The following OTUD7A variants were observed in gnomAD, a reference collection of about 807,000 sequenced individuals.
OTUD7A encodes the protein OTU deubiquitinase 7A.
Under a neutral mutation model 65.7 loss-of-function variants are expected in OTUD7A, and 12 were observed. The observed-to-expected ratio is 0.18, with a 90% CI of 0.12 to 0.30. The LOEUF is 0.30. Ranked by LOEUF, OTUD7A falls within the 10% of genes least tolerant of loss-of-function variation. The pLI is 1.00. For missense variants in OTUD7A, 1,148 were observed against 1,304.8 expected (o/e 0.88, Z 1.85); for synonymous variants, 641 against 586.3 (o/e 1.09, Z -1.35).
chr15:31,830,901 TG>T (rs1896914124), intron 1 of OTUD7A, among the ~76,000 whole-genome samples: 1 of 152,180 alleles, frequency 6.6e-6, no homozygotes, highest in South Asian at 2.1e-4. Flanking sequence ...GCTGAGAACA[TG>T]GGATAGAAGT....
chr15:31,647,974 T>C (rs1348900095), intron 3 of OTUD7A, among the ~76,000 whole-genome samples: 4 of 151,498 alleles, frequency 2.6e-5, no homozygotes, highest in Middle Eastern at 3.2e-3. Flanking sequence ...ATGCCTCAGG[T>C]AATGAGGGGA....
rs182052558 is a variant in OTUD7A, at chr15:31,560,543, C to T, written c.332-1356G>A. The stretch of plus-strand genomic sequence containing the variant: ...TAACATTGAACATAAAACAAGAATG[C>T]TTAAATATATGTTAAGAATAGGTTA... On this transcript the variant is annotated intron_variant, in intron 4 of 12. Transcript: ENST00000307050. Among the ~76,000 whole-genome samples the T allele has an allele frequency of 1.7e-3, 252 of 152,306 alleles. 1 individual carries two copies. Among genetic ancestry groups the T allele is most frequent in the African/African-American group, 5.7e-3 (237 of 41,570 alleles).
At chr15:31,654,883 T>G (rs1003640596) in intron 3 of OTUD7A, among the ~76,000 whole-genome samples, 1 of 152,210 alleles carries the variant, frequency 6.6e-6, no homozygotes, top group African/African-American at 2.4e-5. Context: ...CAAAAGTATT[T>G]TCTTGAATGT....
intron 5 of OTUD7A, among the ~76,000 whole-genome samples, chr15:31,553,784 C>A (rs1212782252): frequency 3.3e-5 from 5 of 152,178 alleles, no homozygotes; most frequent in Non-Finnish European, 5.9e-5. Flanking sequence ...CCCCCACGAC[C>A]CTGCCAGCCG....
At chr15:31,811,563 T>A (rs1896417188) in intron 1 of OTUD7A, among the ~76,000 whole-genome samples, 1 of 152,018 alleles carries the variant, frequency 6.6e-6, no homozygotes. Flanking sequence ...GAGTGTGCGT[T>A]TATGGGCATT....
chr15:31,570,704 G>A (rs1328871687), intron 3 of OTUD7A, among the ~76,000 whole-genome samples: 1 of 152,178 alleles, frequency 6.6e-6, no homozygotes, highest in Non-Finnish European at 1.5e-5. Flanking sequence ...AGCTTTGGTG[G>A]GAGATAGGCT....
intron 1 of OTUD7A, among the ~76,000 whole-genome samples, chr15:31,674,621 C>A (rs1325460800): frequency 6.6e-6 from 1 of 152,162 alleles, no homozygotes; most frequent in African/African-American, 2.4e-5. Flanking sequence ...CCGTTATTCC[C>A]TGACTTGTGA....
intron 1 of OTUD7A, among the ~76,000 whole-genome samples, chr15:31,726,146 A>G (rs952415268): frequency 7.3e-5 from 11 of 151,302 alleles, no homozygotes; most frequent in African/African-American, 2.7e-4. Context: ...CTCTGTCTAC[A>G]CTTTCCTCCC....
chr15:31,849,749 C>G (rs1205985389), intron 1 of OTUD7A, among the ~76,000 whole-genome samples: 1 of 152,196 alleles, frequency 6.6e-6, no homozygotes, highest in Non-Finnish European at 1.5e-5. Flanking sequence ...AGGATATGAA[C>G]AGACACTTCT....
chr15:31,536,111 TG>T (rs949666093), intron 5 of OTUD7A, among the ~76,000 whole-genome samples: 1 of 151,854 alleles, frequency 6.6e-6, no homozygotes, highest in African/African-American at 2.4e-5. Flanking sequence ...AGGAGGGAAA[TG>T]GGTGAATAGC....
chr15:31,741,216 A>T (rs1894334027), intron 1 of OTUD7A, among the ~76,000 whole-genome samples: 1 of 152,230 alleles, frequency 6.6e-6, no homozygotes, highest in Admixed American at 6.5e-5. Context: ...TGGTTAGGAG[A>T]TTTAACACAT....
intron 3 of OTUD7A, among the ~76,000 whole-genome samples, chr15:31,579,458 G>A (rs552780823): frequency 1.3e-5 from 2 of 152,122 alleles, no homozygotes; most frequent in South Asian, 2.1e-4. Flanking sequence ...TCTGATAACC[G>A]AGATGGCCAC....
chr15:31,647,808 A>G (rs1053953516), intron 3 of OTUD7A, among the ~76,000 whole-genome samples: 1 of 152,044 alleles, frequency 6.6e-6, no homozygotes, highest in African/African-American at 2.4e-5. Context: ...AAAACCTTGT[A>G]TGGTCCTTGC....
At chr15:31,510,360 T>C (rs1311039287) in intron 8 of OTUD7A, among the ~76,000 whole-genome samples, 1 of 151,370 alleles carries the variant, frequency 6.6e-6, no homozygotes, top group Admixed American at 6.6e-5. Flanking sequence ...CTGTCTGGCG[T>C]CATGCTTGGT....
At chr15:31,516,927 A>T (rs2041867225) in intron 8 of OTUD7A, among the ~76,000 whole-genome samples, 1 of 152,178 alleles carries the variant, frequency 6.6e-6, no homozygotes, top group South Asian at 2.1e-4. Flanking sequence ...CGGTGGATTG[A>T]ATTTGCACCT....
intron 3 of OTUD7A, among the ~76,000 whole-genome samples, chr15:31,592,006 A>G (rs1889739906): frequency 6.6e-6 from 1 of 152,224 alleles, no homozygotes; most frequent in Admixed American, 6.5e-5. Flanking sequence ...TCTAAAAATA[A>G]AAAAGTACAG....
chr15:31,857,422 C>A (rs1204548042), intron 1 of OTUD7A, among the ~76,000 whole-genome samples: 10 of 152,094 alleles, frequency 6.6e-5, no homozygotes, highest in Non-Finnish European at 4.4e-5. Flanking sequence ...TCACTCTCAC[C>A]CAGGCCTGGC....
Position 31,487,069 on chromosome 15 carries a change from G to T in OTUD7A, c.1371+125C>A. On this transcript the variant is annotated intron_variant, in intron 12 of 12. Coordinates refer to ENST00000307050, the MANE Select transcript of OTUD7A (RefSeq NM_001382637.1). This position sits in a 1 kb window ranked among gnomAD's most constrained non-coding sequence, Gnocchi z 6.0. ...AGCTACTGGGCTGTGGGTATGGCTG[G>T]GGTGGGCGGCCGGGCAGGGGCAGGC... 1 of 889,546 alleles carries T rather than the reference G, an allele frequency of 1.1e-6. No individual in the cohort carries two copies. Among genetic ancestry groups the T allele is most frequent in the Non-Finnish European group, 1.7e-6 (1 of 576,030 alleles). 55.1% of individuals were successfully genotyped at this position (889,546 alleles called of 1,614,324 possible). A position where few individuals can be genotyped will look rare whatever the true frequency, so the allele number is the denominator to read the frequency against.
At position 31,483,556 on chromosome 15, in the gene OTUD7A, G is replaced by A. The variant is rs924194650; in HGVS notation, c.2540C>T (p.Thr847Met). 1.5e-5 allele frequency: 19 copies of A among 1,310,134 alleles called. No individual in the cohort carries two copies. In the Admixed American group the frequency reaches 2.4e-4, roughly 17 times the overall value. 81.2% of individuals were successfully genotyped at this position (1,310,134 alleles called of 1,614,324 possible). ...CGACTTGTGCTCGGCCGCCCCCGCC[G>A]TCCCCGCCGCGCCCGGTAGGGCCCC... is the stretch of plus-strand genomic sequence containing the variant. ...VPGALPGAAG[T>M]AGAAEHKSQT... Residue 847 changes from threonine (T) to methionine (M), a missense_variant, in exon 13 of 13, where the codon ACG becomes ATG. Coordinates refer to ENST00000307050, the MANE Select transcript of OTUD7A (RefSeq NM_001382637.1).
Sources: allele counts gnomAD v4.1 joint callset (sites outside exome capture counted in the v4.1 genomes callset), GRCh38; gene constraint gnomAD v4.1.1; non-coding constraint Gnocchi (gnomAD v3.1); transcripts MANE v1.5; gene names NCBI Gene and HGNC (gene_info 2026-07-23, HGNC 2026-07-21).